KLF8: variants seen among roughly 807,000 people sequenced by gnomAD.
KLF8 encodes the protein Krueppel-like factor 8.
KLF8 carries 10 observed loss-of-function variants against 18.2 expected under a neutral mutation model. That is an observed-to-expected ratio of 0.55 (90% CI 0.34 to 0.93). The LOEUF (loss-of-function observed/expected upper bound fraction) is 0.93, where lower values mean the gene tolerates loss of function less well. KLF8 is among the 40% of genes least tolerant of loss of function. The pLI is 0.02. For synonymous variants in KLF8, 109 were observed against 97.3 expected, an observed-to-expected ratio of 1.12 and a Z score of -0.71; for missense variants, 264 against 277.9, an observed-to-expected ratio of 0.95 and a Z score of 0.36.
chrX:56,182,147 G>T, the KLF8 span, among the ~76,000 whole-genome samples: 3 of 111,399 alleles, frequency 2.7e-5, no homozygotes, highest in Non-Finnish European at 3.8e-5. Flanking sequence ...TTTGTTGGAG[G>T]CTTTGTTCAT....
chrX:56,031,711 C>A, the KLF8 span, among the ~76,000 whole-genome samples: 1 of 111,627 alleles, frequency 9.0e-6, no homozygotes, highest in Non-Finnish European at 1.9e-5. Flanking sequence ...GTCAGCGAAC[C>A]AAGAAATGTA....
chrX:56,155,486 A>G, the KLF8 span, among the ~76,000 whole-genome samples: 3 of 110,923 alleles, frequency 2.7e-5, no homozygotes, highest in Non-Finnish European at 3.8e-5. Context: ...GGATAGCATT[A>G]GGAGATATAC....
chrX:56,011,667 C>T, the KLF8 span, among the ~76,000 whole-genome samples: 4 of 110,715 alleles, frequency 3.6e-5, no homozygotes, highest in Non-Finnish European at 7.6e-5. Flanking sequence ...TCAATGAATC[C>T]AGGAGCAGTT....
At chrX:56,226,614 T>C in the KLF8 span, among the ~76,000 whole-genome samples, 143 of 112,264 alleles carry the variant, frequency 1.3e-3, no homozygotes, top group Non-Finnish European at 2.4e-3. Context: ...ATGTATGCAT[T>C]GTTTTATTTT....
chrX:55,932,265 T>G, the KLF8 span, among the ~76,000 whole-genome samples: 1 of 110,783 alleles, frequency 9.0e-6, no homozygotes, highest in African/African-American at 3.3e-5. Context: ...TGTGTGTGTT[T>G]GCATGTGAGA....
At chrX:55,994,445 ATT>A in the KLF8 span, among the ~76,000 whole-genome samples, 15 of 89,161 alleles carry the variant, frequency 1.7e-4, no homozygotes, top group East Asian at 1.4e-3. Context: ...AATTTTTGTT[ATT>A]TTTTTTTTTT....
chrX:55,988,216 T>C, the KLF8 span, among the ~76,000 whole-genome samples: 3 of 111,282 alleles, frequency 2.7e-5, no homozygotes, highest in Admixed American at 2.9e-4. Flanking sequence ...TTAGATCCCA[T>C]TTGTCAATTT....
the KLF8 span, among the ~76,000 whole-genome samples, chrX:56,118,655 T>C: frequency 9.0e-6 from 1 of 111,151 alleles, no homozygotes; most frequent in African/African-American, 3.3e-5. Flanking sequence ...CACTAGATTT[T>C]AGATTTGCAC....
At chrX:56,083,544 T>C in the KLF8 span, among the ~76,000 whole-genome samples, 2 of 112,175 alleles carry the variant, frequency 1.8e-5, no homozygotes, top group Non-Finnish European at 3.8e-5. Context: ...TTTTCAGTGC[T>C]CACTAAAAGA....
chrX:56,008,118 C>CTATATATATA, the KLF8 span, among the ~76,000 whole-genome samples: 186 of 99,806 alleles, frequency 1.9e-3, 1 homozygote, highest in African/African-American at 6.8e-3. Flanking sequence ...TAGTGCAAAG[C>CTATATATATA]TATATATATA....
At chrX:56,048,493 C>G in the KLF8 span, among the ~76,000 whole-genome samples, 1 of 111,820 alleles carries the variant, frequency 8.9e-6, no homozygotes. Flanking sequence ...TATGGCTAGC[C>G]AGTTTTCCCA....
At chrX:56,267,236 T>A in intron 3 of KLF8, 2 of 737,007 alleles carry the variant, frequency 2.7e-6, no homozygotes, top group South Asian at 1.4e-4. Context: ...TCTGTATTAG[T>A]TCGTTTTCAT....
the KLF8 span, among the ~76,000 whole-genome samples, chrX:55,931,336 A>AT: frequency 9.0e-6 from 1 of 111,492 alleles, no homozygotes; most frequent in African/African-American, 3.3e-5. Context: ...GAATTCATTC[A>AT]TTTTTTTGAA....
chrX:55,983,809 T>A, the KLF8 span, among the ~76,000 whole-genome samples: 1 of 110,431 alleles, frequency 9.1e-6, no homozygotes, highest in African/African-American at 3.3e-5. Context: ...TCATTGTCTA[T>A]TATACCACTC....
At chrX:56,237,280 C>A (rs948951757) in intron 1 of KLF8, among the ~76,000 whole-genome samples, 3 of 108,425 alleles carry the variant, frequency 2.8e-5, no homozygotes, top group African/African-American at 1.0e-4. Context: ...TATGTAAGTA[C>A]CACAACAACT....
the KLF8 span, among the ~76,000 whole-genome samples, chrX:56,003,527 A>G: frequency 9.0e-6 from 1 of 111,480 alleles, no homozygotes; most frequent in African/African-American, 3.2e-5. Flanking sequence ...AGTGGGATTG[A>G]AAAAAAAGAG....
chrX:56,146,984 C>T, the KLF8 span, among the ~76,000 whole-genome samples: 1 of 112,079 alleles, frequency 8.9e-6, no homozygotes, highest in African/African-American at 3.2e-5. Context: ...GCTGTTGTCC[C>T]TGGGTGAGTG....
chrX:55,999,688 T>C, the KLF8 span, among the ~76,000 whole-genome samples: 2 of 111,655 alleles, frequency 1.8e-5, no homozygotes, highest in African/African-American at 3.3e-5. Context: ...GCTACTGAAT[T>C]GTGCATATTG....
At chrX:55,946,822 C>T in the KLF8 span, among the ~76,000 whole-genome samples, 9 of 110,909 alleles carry the variant, frequency 8.1e-5, no homozygotes, top group Middle Eastern at 4.7e-3. Flanking sequence ...AAAAAGTGGG[C>T]AAAGGACATG....
Sources: gnomAD v4.1 joint callset for allele counts (sites outside exome capture counted in the v4.1 genomes callset) on GRCh38, gnomAD v4.1.1 for gene constraint, MANE v1.5 for transcripts, NCBI Gene and HGNC (gene_info 2026-07-23, HGNC 2026-07-21) for gene names.